TRAT1: variants seen among roughly 807,000 people sequenced by gnomAD.
The protein encoded by TRAT1 is T-cell receptor-associated transmembrane adapter 1.
TRAT1 carries 20 observed loss-of-function variants against 20.0 expected under a neutral mutation model. The observed-to-expected ratio is 1.00, with a 90% CI of 0.70 to 1.45. TRAT1 has a LOEUF of 1.45. Ranked by LOEUF, TRAT1 falls within the 40% of genes most tolerant of loss-of-function variation. The pLI, the probability that TRAT1 is intolerant of heterozygous loss-of-function variation, is 0.00. For missense variants in TRAT1, 237 were observed against 224.1 expected (o/e 1.06, Z -0.37); for synonymous variants, 77 against 74.2 (o/e 1.04, Z -0.20).
intron 2 of TRAT1, among the ~76,000 whole-genome samples, chr3:108,838,651 A>G (rs963748224): frequency 1.3e-5 from 2 of 152,170 alleles, no homozygotes; most frequent in African/African-American, 2.4e-5. Flanking sequence ...CAGGCTGTAC[A>G]TCGTCTCCAA....
intron 4 of TRAT1, 177 bp downstream of exon 4, chr3:108,847,306 TG>T (rs1410653956): frequency 6.1e-6 from 3 of 492,110 alleles, no homozygotes; most frequent in Non-Finnish European, 1.1e-5. Flanking sequence ...TATTGTAAGT[TG>T]TATTACAATA....
intron 1 of TRAT1, among the ~76,000 whole-genome samples, chr3:108,825,090 A>C (rs1945724164): frequency 6.6e-6 from 1 of 151,646 alleles, no homozygotes; most frequent in African/African-American, 2.4e-5. Context: ...AAACAAAACA[A>C]AATTTCACAT....
chr3:108,827,657 G>A (rs759756794), intron 1 of TRAT1, among the ~76,000 whole-genome samples: 40 of 151,884 alleles, frequency 2.6e-4, no homozygotes, highest in Non-Finnish European at 5.2e-4. Context: ...CAGGAATTAC[G>A]GACCCTAAAA....
intron 1 of TRAT1, 41 bp from the exon 2 acceptor site, chr3:108,830,629 A>C: frequency 1.8e-4 from 219 of 1,213,768 alleles, no homozygotes; most frequent in Middle Eastern, 5.7e-4. Context: ...CAAATGGGTA[A>C]GCAGCTGTTA....
intron 5 of TRAT1, among the ~76,000 whole-genome samples, chr3:108,850,480 T>C (rs1438192681): frequency 2.6e-5 from 4 of 152,028 alleles, no homozygotes; most frequent in Non-Finnish European, 5.9e-5. Flanking sequence ...AATTTTTGTA[T>C]TTTTAGTAGA....
intron 2 of TRAT1, among the ~76,000 whole-genome samples, chr3:108,834,428 A>G (rs2107509051): frequency 6.6e-6 from 1 of 152,320 alleles, no homozygotes; most frequent in Non-Finnish European, 1.5e-5. Context: ...TTTCCATCCC[A>G]TATGAACAAA....
chr3:108,853,705 A>T lies in TRAT1; in HGVS notation c.389A>T (p.His130Leu), dbSNP rs1413312206. The change falls in exon 6 of 6, where the codon CAT becomes CTT. Residue 130 changes from histidine (H) to leucine (L), a missense_variant. Coordinates refer to ENST00000295756, the MANE Select transcript of TRAT1 (RefSeq NM_016388.4). ...AGAAAGCCCAGGAAACAGAATACTC[A>T]TTTCTCAGACAAGGATGGAGATGAG... ...KRRKPRKQNT[H>L]FSDKDGDEQL... 5 of 1,614,150 alleles carry T rather than the reference A, an allele frequency of 3.1e-6. No individual in the cohort carries two copies. Among genetic ancestry groups the T allele is most frequent in the Non-Finnish European group, 4.2e-6 (5 of 1,179,988 alleles).
At chr3:108,833,959 T>C (rs1459016942) in intron 2 of TRAT1, among the ~76,000 whole-genome samples, 1 of 152,214 alleles carries the variant, frequency 6.6e-6, no homozygotes, top group Non-Finnish European at 1.5e-5. Context: ...ACTATGGCTA[T>C]ATGTCATCCC....
chr3:108,842,673 C>T (rs1313123233), intron 3 of TRAT1, among the ~76,000 whole-genome samples: 1 of 152,226 alleles, frequency 6.6e-6, no homozygotes, highest in East Asian at 1.9e-4. Context: ...CCCTTGTCAC[C>T]TCTAGCTCCG....
intron 2 of TRAT1, among the ~76,000 whole-genome samples, chr3:108,836,911 T>C (rs1945846806): frequency 6.6e-6 from 1 of 152,230 alleles, no homozygotes; most frequent in African/African-American, 2.4e-5. Context: ...TTCTTATGCA[T>C]CTACTTTAAT....
intron 2 of TRAT1, among the ~76,000 whole-genome samples, chr3:108,835,228 AT>A (rs1222259608): frequency 6.6e-6 from 1 of 152,196 alleles, no homozygotes; most frequent in Non-Finnish European, 1.5e-5. Flanking sequence ...AAGCAAACAT[AT>A]TTGCATCACA....
At chr3:108,832,334 G>T (rs9809020) in intron 2 of TRAT1, among the ~76,000 whole-genome samples, 4 of 152,076 alleles carry the variant, frequency 2.6e-5, no homozygotes, top group South Asian at 4.1e-4. Context: ...CTATGGCTAA[G>T]GTGAAATTTA....
chr3:108,822,868 G>A lies in TRAT1; in HGVS notation c.-60G>A. Reference sequence around the variant, plus strand: ...CACCTAGGAAAAAAGTTTGTAGGAGGATTTTTAATCCATATATTTGTCTTA... The same window carrying A: ...CACCTAGGAAAAAAGTTTGTAGGAGAATTTTTAATCCATATATTTGTCTTA... On this transcript the variant is annotated 5_prime_UTR_variant, in exon 1 of 6. Coordinates refer to ENST00000295756, the MANE Select transcript of TRAT1 (RefSeq NM_016388.4). 6.6e-7 allele frequency: 1 copy of A among 1,522,786 alleles called. No individual in the cohort carries two copies. Among genetic ancestry groups the A allele is most frequent in the Non-Finnish European group, 9.1e-7 (1 of 1,102,968 alleles). The allele number at this position is 1,522,786 out of a possible 1,614,324, so 94.3% of individuals were successfully genotyped here.
At position 108,854,702 on chromosome 3, in the gene TRAT1, T is replaced by C. The variant is rs1026237558; in HGVS notation, c.*825T>C. The C allele has an allele frequency of 2.6e-5, 4 of 152,176 alleles. No homozygotes were observed. The highest frequency in any genetic ancestry group is 4.8e-5 in the African/African-American group (2 of 41,460). The allele number at this position is 152,176 out of a possible 1,614,324, so 9.4% of individuals were successfully genotyped here. ...TTTCACTGTTATATTTAACTATATATAAATACGCATATATTGTAATTTTAA... is the reference window on the plus strand; with the variant it reads ...TTTCACTGTTATATTTAACTATATACAAATACGCATATATTGTAATTTTAA... On this transcript the variant is annotated 3_prime_UTR_variant, in exon 6 of 6. Transcript: ENST00000295756.
chr3:108,824,077 G>A lies in TRAT1; in HGVS notation c.7+1143G>A, dbSNP rs182086391. On this transcript the variant is annotated intron_variant, in intron 1 of 5. Transcript: ENST00000295756. ...AATAGAGACAGGGTTTCATTATGTT[G>A]GCCAGGATGGTCTCGATCTCTTGAC... Among the ~76,000 whole-genome samples, 57 of 152,158 alleles carry A rather than the reference G, an allele frequency of 3.7e-4. 1 individual carries two copies. The East Asian group carries it at 0.011, about 29-fold the overall frequency.
Position 108,838,389 on chromosome 3 carries a change from GATA to G in TRAT1, c.119-544_119-542del, listed in dbSNP as rs1945859902. ...AGATAGATAGATAGATAGATAGATA[GATA>G]GATAGATAGATAGAGATTGATAAAA... is the stretch of plus-strand genomic sequence containing the variant. On this transcript the variant is annotated intron_variant, in intron 2 of 5. Coordinates refer to ENST00000295756, the MANE Select transcript of TRAT1 (RefSeq NM_016388.4). 2.4e-4 allele frequency among the ~76,000 whole-genome samples: 36 copies of G among 149,524 alleles called. No individual in the cohort carries two copies. In the South Asian group the frequency reaches 7.5e-3, roughly 31 times the overall value.
At chr3:108,825,914 G>T (rs1945733771) in intron 1 of TRAT1, among the ~76,000 whole-genome samples, 1 of 152,100 alleles carries the variant, frequency 6.6e-6, no homozygotes, top group East Asian at 1.9e-4. Flanking sequence ...GAAACAATAA[G>T]TATACATATA....
intron 1 of TRAT1, among the ~76,000 whole-genome samples, chr3:108,826,856 T>C (rs1363369394): frequency 6.6e-6 from 1 of 152,196 alleles, no homozygotes; most frequent in African/African-American, 2.4e-5. Flanking sequence ...CTTTTTCTAT[T>C]GCTAATTGTT....
chr3:108,833,899 G>A (rs1044412475), intron 2 of TRAT1, among the ~76,000 whole-genome samples: 3 of 152,000 alleles, frequency 2.0e-5, no homozygotes, highest in Non-Finnish European at 4.4e-5. Flanking sequence ...ACCATACCTA[G>A]TGGCCGTGTT....
Sources: gnomAD v4.1 joint callset for allele counts (sites outside exome capture counted in the v4.1 genomes callset) on GRCh38, gnomAD v4.1.1 for gene constraint, MANE v1.5 for transcripts, NCBI Gene and HGNC (gene_info 2026-07-23, HGNC 2026-07-21) for gene names.